Variants in NPAS3 observed in about 807,000 individuals in gnomAD.
NPAS3 encodes neuronal PAS domain-containing protein 3.
In NPAS3, 14 loss-of-function variants were observed where a neutral mutation model predicts 73.1. The ratio of observed to expected loss-of-function variants is 0.19; its 90% CI spans 0.13 to 0.30. The LOEUF (loss-of-function observed/expected upper bound fraction) is 0.30. NPAS3 is among the 10% of genes least tolerant of loss of function. NPAS3 has a pLI of 1.00. For synonymous variants in NPAS3, 620 were observed against 541.5 expected, an observed-to-expected ratio of 1.14 and a Z score of -2.01; for missense variants, 1,096 against 1,250.0, an observed-to-expected ratio of 0.88 and a Z score of 1.86.
At chr14:33,458,977 G>A (rs1294507222) in intron 4 of NPAS3, among the ~76,000 whole-genome samples, 1 of 152,212 alleles carries the variant, frequency 6.6e-6, no homozygotes, top group African/African-American at 2.4e-5. Context: ...CCATAGAGCA[G>A]CCCCAAAGGC....
chr14:33,252,958 C>T (rs1007448946), intron 3 of NPAS3, among the ~76,000 whole-genome samples: 3 of 152,076 alleles, frequency 2.0e-5, no homozygotes, highest in Non-Finnish European at 4.4e-5. Context: ...CGTGTTGCTG[C>T]AAAGGGCATG....
intron 1 of NPAS3, among the ~76,000 whole-genome samples, chr14:32,964,695 C>A (rs1199676168): frequency 2.0e-5 from 3 of 152,032 alleles, no homozygotes; most frequent in East Asian, 1.9e-4. Context: ...CAGTTTGAGG[C>A]CGGGTGCAGT....
intron 2 of NPAS3, among the ~76,000 whole-genome samples, chr14:33,175,692 T>G (rs927048541): frequency 6.6e-6 from 1 of 152,200 alleles, no homozygotes; most frequent in Non-Finnish European, 1.5e-5. Context: ...ATTTAATTCA[T>G]AAGGTTGCCT....
intron 3 of NPAS3, among the ~76,000 whole-genome samples, chr14:33,231,692 T>C (rs1342963110): frequency 6.6e-6 from 1 of 152,196 alleles, no homozygotes; most frequent in Non-Finnish European, 1.5e-5. Context: ...CCTCATGAGA[T>C]GAGCATCATT....
chr14:33,001,534 C>T (rs920523447), intron 1 of NPAS3, among the ~76,000 whole-genome samples: 6 of 152,244 alleles, frequency 3.9e-5, no homozygotes, highest in African/African-American at 1.4e-4. Flanking sequence ...TCACCTCACA[C>T]TCACCACTCT....
rs116866215 is a variant in NPAS3, at chr14:33,555,803, C to T, written c.469-4318C>T. Among the ~76,000 whole-genome samples, 703 of 152,086 alleles carry T rather than the reference C, an allele frequency of 4.6e-3. 3 individuals are homozygous for T. The highest frequency in any genetic ancestry group is 7.6e-3 in the Non-Finnish European group (517 of 67,986). ...TTGAAAGGTAATCAAATCTGAGATACGGACATTGATCTGAGACTATAGGTA... is the reference window on the plus strand; with the variant it reads ...TTGAAAGGTAATCAAATCTGAGATATGGACATTGATCTGAGACTATAGGTA... On this transcript the variant is annotated intron_variant, in intron 4 of 11. Coordinates refer to ENST00000356141, the Ensembl canonical transcript of NPAS3.
chr14:32,997,436 G>T (rs530931386), intron 1 of NPAS3, among the ~76,000 whole-genome samples: 2 of 152,062 alleles, frequency 1.3e-5, no homozygotes, highest in African/African-American at 4.8e-5. Flanking sequence ...ATATGGTTTC[G>T]TCCTGTGTCC....
intron 4 of NPAS3, among the ~76,000 whole-genome samples, chr14:33,495,210 T>C (rs1326051612): frequency 6.6e-6 from 1 of 152,122 alleles, no homozygotes; most frequent in Admixed American, 6.6e-5. Context: ...AACTTCTTTA[T>C]TTCTGCCTTA....
At chr14:33,345,849 C>T (rs2044702462) in intron 3 of NPAS3, among the ~76,000 whole-genome samples, 1 of 152,208 alleles carries the variant, frequency 6.6e-6, no homozygotes, top group Non-Finnish European at 1.5e-5. Context: ...CTGGGAATTT[C>T]ATTTCATTCT....
intron 4 of NPAS3, among the ~76,000 whole-genome samples, chr14:33,371,031 C>A (rs1470597140): frequency 1.3e-5 from 2 of 152,058 alleles, no homozygotes; most frequent in Non-Finnish European, 2.9e-5. Context: ...TGGGTTACAG[C>A]CCTATGGAAA....
chr14:33,023,060 C>T (rs1282845866), intron 1 of NPAS3, among the ~76,000 whole-genome samples: 1 of 151,354 alleles, frequency 6.6e-6, no homozygotes, highest in East Asian at 1.9e-4. Context: ...TCTTCTAAGC[C>T]GACATAACAA....
chr14:33,386,295 T>C (rs2046772901), intron 4 of NPAS3, among the ~76,000 whole-genome samples: 2 of 152,202 alleles, frequency 1.3e-5, no homozygotes, highest in African/African-American at 4.8e-5. Flanking sequence ...TTTCAGTAAG[T>C]ACTTTTTTAT....
chr14:33,171,476 T>C (rs2045386345), intron 2 of NPAS3, among the ~76,000 whole-genome samples: 1 of 152,216 alleles, frequency 6.6e-6, no homozygotes, highest in Non-Finnish European at 1.5e-5. Flanking sequence ...TACACTTTTA[T>C]GTTATGGCAT....
chr14:33,660,428 C>T (rs893038147), intron 5 of NPAS3, among the ~76,000 whole-genome samples: 18 of 152,168 alleles, frequency 1.2e-4, no homozygotes, highest in African/African-American at 4.1e-4. Flanking sequence ...ACAAAAGTTG[C>T]CCGTAAATCC....
intron 3 of NPAS3, among the ~76,000 whole-genome samples, chr14:33,245,666 A>G (rs2048349649): frequency 6.6e-6 from 1 of 152,162 alleles, no homozygotes; most frequent in South Asian, 2.1e-4. Context: ...TCTCAAGTAC[A>G]ATAGTAAGAA....
chr14:33,193,955 A>G (rs1006165283), intron 2 of NPAS3, among the ~76,000 whole-genome samples: 12 of 152,206 alleles, frequency 7.9e-5, no homozygotes, highest in Non-Finnish European at 1.5e-4. Flanking sequence ...ACATATTTAT[A>G]TCAGGGTTCA....
At chr14:33,573,888 T>C (rs1276910894) in intron 5 of NPAS3, among the ~76,000 whole-genome samples, 3 of 152,182 alleles carry the variant, frequency 2.0e-5, no homozygotes, top group African/African-American at 7.2e-5. Context: ...GGCACACCAG[T>C]GGAAATAAAA....
At chr14:32,944,910 T>C (rs2036190037) in intron 1 of NPAS3, among the ~76,000 whole-genome samples, 1 of 152,232 alleles carries the variant, frequency 6.6e-6, no homozygotes, top group African/African-American at 2.4e-5. Flanking sequence ...TATGTTACTA[T>C]GGCCCACAGT....
intron 7 of NPAS3, among the ~76,000 whole-genome samples, chr14:33,751,426 G>A (rs1195347168): frequency 1.3e-5 from 2 of 152,090 alleles, no homozygotes; most frequent in Admixed American, 6.6e-5. Context: ...ATTTGGAGAA[G>A]AGCAATATGA....
Sources: gnomAD v4.1 joint callset for allele counts (sites outside exome capture counted in the v4.1 genomes callset) on GRCh38, gnomAD v4.1.1 for gene constraint, MANE v1.5 for transcripts, NCBI Gene and HGNC (gene_info 2026-07-23, HGNC 2026-07-21) for gene names.